ESRRG: variants seen among roughly 807,000 people sequenced by gnomAD.
The protein encoded by ESRRG is estrogen-related receptor gamma.
Under a neutral mutation model 44.0 loss-of-function variants are expected in ESRRG, and 13 were observed. That is an observed-to-expected ratio of 0.30 (90% CI 0.19 to 0.47). The LOEUF (loss-of-function observed/expected upper bound fraction) is 0.47, where lower values mean the gene tolerates loss of function less well. ESRRG is among the 20% of genes least tolerant of loss of function. The pLI, the probability that ESRRG is intolerant of heterozygous loss-of-function variation, is 1.00. For synonymous variants in ESRRG, 215 were observed against 214.6 expected (o/e 1.00, Z -0.02); for missense variants, 395 against 580.6 (o/e 0.68, Z 3.29).
intron 2 of ESRRG, among the ~76,000 whole-genome samples, chr1:216,669,219 TGCCTGCTGACCAGTA>T (rs1267567444): frequency 2.0e-5 from 3 of 152,164 alleles, no homozygotes; most frequent in Admixed American, 6.5e-5. Flanking sequence ...CTCTTGAAAA[TGCCTGCTGACCAGTA>T]GCTCTTTGAC....
At chr1:216,962,558 C>CT (rs71556667) in intron 1 of ESRRG, among the ~76,000 whole-genome samples, 8 of 151,674 alleles carry the variant, frequency 5.3e-5, no homozygotes, top group African/African-American at 1.9e-4. Flanking sequence ...AAGTAGGAAT[C>CT]TTTTTTTTCT....
chr1:216,574,647 G>A (rs1359963773), intron 3 of ESRRG, among the ~76,000 whole-genome samples: 3 of 152,028 alleles, frequency 2.0e-5, no homozygotes, highest in Non-Finnish European at 4.4e-5. Flanking sequence ...TTGCTGAAAA[G>A]CATTAATTTA....
intron 3 of ESRRG, among the ~76,000 whole-genome samples, chr1:216,633,282 C>A (rs1255368674): frequency 1.3e-5 from 2 of 152,192 alleles, no homozygotes; most frequent in African/African-American, 2.4e-5. Context: ...GCGGAGGAGA[C>A]AGCATGAGCA....
intron 2 of ESRRG, among the ~76,000 whole-genome samples, chr1:216,753,288 A>T (rs1009969250): frequency 6.6e-6 from 1 of 152,044 alleles, no homozygotes; most frequent in Non-Finnish European, 1.5e-5. Flanking sequence ...ACTAGTGCTT[A>T]TGATTACTTC....
Position 216,915,440 on chromosome 1 carries a change from G to A in ESRRG, c.-14+24142C>T, listed in dbSNP as rs189487327. 1.2e-4 allele frequency among the ~76,000 whole-genome samples: 19 copies of A among 152,238 alleles called. No individual in the cohort carries two copies. The East Asian group carries it at 3.7e-3, about 29-fold the overall frequency. On this transcript the variant is annotated intron_variant, in intron 2 of 7. Transcript: ENST00000359162. ...TCTCTCCTTAAGGAGGCTGCAGATG[G>A]GGTGGAGAGGAAGAAGGGAGAAGGT...
At chr1:216,516,668 C>CACAGAGAGAGAGAGAGAG (rs376701865) in intron 6 of ESRRG, among the ~76,000 whole-genome samples, 15 of 137,168 alleles carry the variant, frequency 1.1e-4, no homozygotes, top group African/African-American at 4.1e-4. Context: ...CACACACACA[C>CACAGAGAGAGAGAGAGAG]AGAGAGAGAG....
chr1:216,879,454 G>A (rs1227658487), intron 2 of ESRRG, among the ~76,000 whole-genome samples: 4 of 142,852 alleles, frequency 2.8e-5, no homozygotes, highest in East Asian at 2.0e-4. Context: ...AAATCTGGTC[G>A]GCTTACTCTT....
At chr1:216,833,768 G>A (rs1181100793) in intron 2 of ESRRG, among the ~76,000 whole-genome samples, 1 of 152,198 alleles carries the variant, frequency 6.6e-6, no homozygotes, top group Non-Finnish European at 1.5e-5. Context: ...GTTCTTCAGA[G>A]ATTTTGCTGG....
chr1:217,125,687 A>C (rs773046291), intron 1 of ESRRG, among the ~76,000 whole-genome samples: 1 of 152,246 alleles, frequency 6.6e-6, no homozygotes, highest in Non-Finnish European at 1.5e-5. Flanking sequence ...ACCTCAAGTA[A>C]GAACAACCTC....
chr1:216,722,026 C>T (rs2086441883), intron 1 of ESRRG, among the ~76,000 whole-genome samples: 1 of 152,194 alleles, frequency 6.6e-6, no homozygotes. Context: ...CTCACACTCA[C>T]GCTCAAACAT....
At chr1:216,931,490 T>C (rs1308348257) in intron 2 of ESRRG, among the ~76,000 whole-genome samples, 1 of 152,164 alleles carries the variant, frequency 6.6e-6, no homozygotes, top group Non-Finnish European at 1.5e-5. Flanking sequence ...CCTGACTTGC[T>C]CTTTCCTTCC....
intron 5 of ESRRG, among the ~76,000 whole-genome samples, chr1:216,534,845 C>A (rs906077866): frequency 5.3e-5 from 8 of 152,138 alleles, no homozygotes; most frequent in South Asian, 4.1e-4. Flanking sequence ...TGCCCTCGGT[C>A]CTTTTGACGG....
intron 1 of ESRRG, among the ~76,000 whole-genome samples, chr1:217,051,546 G>C (rs2086038915): frequency 6.6e-6 from 1 of 152,160 alleles, no homozygotes; most frequent in Admixed American, 6.5e-5. Flanking sequence ...ATGAGTCAAT[G>C]CACCCCACTG....
At chr1:216,921,458 C>G (rs895859293) in intron 2 of ESRRG, among the ~76,000 whole-genome samples, 1 of 152,196 alleles carries the variant, frequency 6.6e-6, no homozygotes, top group African/African-American at 2.4e-5. Context: ...ACGTTCCTGA[C>G]AATGGACTGC....
At chr1:216,706,699 T>C (rs1446518263) in intron 1 of ESRRG, among the ~76,000 whole-genome samples, 2 of 152,202 alleles carry the variant, frequency 1.3e-5, no homozygotes, top group Non-Finnish European at 2.9e-5. Flanking sequence ...ATTTCTGGCA[T>C]ATTCCGATTG....
At chr1:216,586,091 CAAT>C (rs922960166) in intron 3 of ESRRG, among the ~76,000 whole-genome samples, 5 of 152,010 alleles carry the variant, frequency 3.3e-5, no homozygotes, top group African/African-American at 1.2e-4. Context: ...TTAGTAAAAA[CAAT>C]ATCCCACTTT....
intron 1 of ESRRG, among the ~76,000 whole-genome samples, chr1:216,720,718 C>T (rs984969485): frequency 6.6e-6 from 1 of 152,062 alleles, no homozygotes; most frequent in African/African-American, 2.4e-5. Context: ...AACATGAAAA[C>T]CCTGAAACAG....
At chr1:216,745,008 C>T (rs564847434) in intron 2 of ESRRG, among the ~76,000 whole-genome samples, 1 of 152,280 alleles carries the variant, frequency 6.6e-6, no homozygotes, top group Middle Eastern at 3.4e-3. Flanking sequence ...AAATTGCTGG[C>T]TGAGCCATGA....
At chr1:216,679,665 T>C (rs1467393506) in intron 1 of ESRRG, among the ~76,000 whole-genome samples, 1 of 150,886 alleles carries the variant, frequency 6.6e-6, no homozygotes, top group Non-Finnish European at 1.5e-5. Flanking sequence ...GGAGAGTTGC[T>C]TGGGGCTGCT....
Sources: gnomAD v4.1 joint callset for allele counts (sites outside exome capture counted in the v4.1 genomes callset) on GRCh38, gnomAD v4.1.1 for gene constraint, MANE v1.5 for transcripts, NCBI Gene and HGNC (gene_info 2026-07-23, HGNC 2026-07-21) for gene names.